COL18A1: variants seen among roughly 807,000 people sequenced by gnomAD.
COL18A1 encodes the protein collagen alpha-1(XVIII) chain.
COL18A1 carries 133 observed loss-of-function variants against 168.0 expected under a neutral mutation model. The observed-to-expected ratio is 0.79, with a 90% CI of 0.69 to 0.91. The LOEUF is 0.91. Ranked by LOEUF, COL18A1 falls within the 40% of genes least tolerant of loss-of-function variation. The pLI is 0.00. For synonymous variants in COL18A1, 949 were observed against 809.0 expected, an observed-to-expected ratio of 1.17 and a Z score of -2.94; for missense variants, 2,126 against 1,925.4, an observed-to-expected ratio of 1.10 and a Z score of -1.95.
At chr21:45,456,779 G>T in intron 2 of COL18A1, 1 of 1,543,000 alleles carries the variant, frequency 6.5e-7, no homozygotes. Flanking sequence ...GGCCCTGCAG[G>T]ATGCGTGTTG....
chr21:45,445,194 G>C (rs2034478618), intron 2 of COL18A1, among the ~76,000 whole-genome samples: 1 of 152,094 alleles, frequency 6.6e-6, no homozygotes, highest in South Asian at 2.1e-4. Context: ...GCTTCCATAC[G>C]AATTAAACCA....
chr21:45,418,593 C>G (rs2033517383), intron 2 of COL18A1, among the ~76,000 whole-genome samples: 1 of 152,058 alleles, frequency 6.6e-6, no homozygotes. Context: ...TTCCCACCTG[C>G]TCTGCACAGC....
At chr21:45,482,242 C>G in intron 14 of COL18A1, 1 of 623,318 alleles carries the variant, frequency 1.6e-6, no homozygotes, top group Middle Eastern at 2.5e-4. Flanking sequence ...AGTGGACTCA[C>G]GGGTTTTAAG....
intron 2 of COL18A1, chr21:45,456,939 G>A: frequency 7.5e-7 from 1 of 1,324,798 alleles, no homozygotes; most frequent in South Asian, 1.7e-5. Context: ...AGGTAAGTGT[G>A]GGCGGGGCTG....
intron 2 of COL18A1, among the ~76,000 whole-genome samples, chr21:45,453,496 G>A (rs748292391): frequency 2.0e-5 from 3 of 152,246 alleles, no homozygotes; most frequent in Non-Finnish European, 4.4e-5. Flanking sequence ...GGTGCTTCCT[G>A]GTGGGAACCA....
intron 2 of COL18A1, among the ~76,000 whole-genome samples, chr21:45,412,233 A>ATTTTTTT (rs1285919162): frequency 1.0e-5 from 1 of 96,122 alleles, no homozygotes; most frequent in African/African-American, 3.8e-5. Context: ...CTGGGGGTAT[A>ATTTTTTT]TTTCTTTTTT....
chr21:45,458,019 CG>C (rs539450797), intron 2 of COL18A1, among the ~76,000 whole-genome samples: 1 of 140,212 alleles, frequency 7.1e-6, no homozygotes, highest in Non-Finnish European at 1.5e-5. Context: ...GGGGAGTGGC[CG>C]GGGGGCCACA....
chr21:45,426,403 C>G (rs940845442), intron 2 of COL18A1, among the ~76,000 whole-genome samples: 33 of 152,306 alleles, frequency 2.2e-4, no homozygotes, highest in African/African-American at 7.2e-4. Context: ...CCGAGCCTGG[C>G]CTGGAGTTAT....
At chr21:45,453,723 C>T (rs1175835634) in intron 2 of COL18A1, among the ~76,000 whole-genome samples, 1 of 152,108 alleles carries the variant, frequency 6.6e-6, no homozygotes, top group African/African-American at 2.4e-5. Flanking sequence ...GAGCTGGGCA[C>T]CCTGCAGATG....
At chr21:45,422,452 A>G (rs1569279338) in intron 2 of COL18A1, 1 of 532,142 alleles carries the variant, frequency 1.9e-6, no homozygotes, top group Non-Finnish European at 3.9e-6. Flanking sequence ...GCTCCAGGAT[A>G]GAGTTGCAGG....
intron 2 of COL18A1, among the ~76,000 whole-genome samples, chr21:45,430,174 G>A (rs868460414): frequency 1.9e-4 from 29 of 152,038 alleles, no homozygotes; most frequent in African/African-American, 6.3e-4. Context: ...TCCATGAAGT[G>A]GGGTCATGGT....
chr21:45,506,411 A>C, intron 37 of COL18A1: 1 of 323,260 alleles, frequency 3.1e-6, no homozygotes, highest in Non-Finnish European at 6.1e-6. Context: ...GTGGGATGAA[A>C]TGCATCCTCT....
chr21:45,430,116 A>AC (rs887303727), intron 2 of COL18A1, among the ~76,000 whole-genome samples: 7 of 130,278 alleles, frequency 5.4e-5, no homozygotes, highest in Non-Finnish European at 9.5e-5. Flanking sequence ...CTCGTTGGGG[A>AC]CCCCCCGTCT....
rs754577294 is a variant in COL18A1, at chr21:45,455,875, G to A, written c.107-12367G>A. The A allele has an allele frequency of 6.2e-7, 1 of 1,613,126 alleles. No homozygotes were observed. The highest frequency in any genetic ancestry group is 1.7e-5 in the Admixed American group (1 of 60,030). On this transcript the variant is annotated intron_variant, in intron 2 of 41. Coordinates refer to ENST00000651438, the MANE Select transcript of COL18A1 (RefSeq NM_001379500.1). The stretch of plus-strand genomic sequence containing the variant: ...TTGCCGGTGTCGGAGCCGAGATCCT[G>A]AACGTGGCCAAAGGCATCCGGAGCT...
intron 2 of COL18A1, among the ~76,000 whole-genome samples, chr21:45,410,389 A>C (rs905594074): frequency 2.0e-5 from 3 of 151,040 alleles, no homozygotes; most frequent in Non-Finnish European, 4.4e-5. Flanking sequence ...GAGTGGGCAC[A>C]CGCTGGTGCT....
rs1295995235 is a variant in COL18A1, at chr21:45,476,362, A to G, written c.810A>G (p.Leu270=). 2 of 1,613,934 alleles carry G rather than the reference A, an allele frequency of 1.2e-6. No individual in the cohort carries two copies. The highest frequency in any genetic ancestry group is 1.7e-6 in the Non-Finnish European group (2 of 1,180,014). ...CTCTCGTCCTCCAGGGCGCGGCCCT[A>G]AAACCCAGGCTCCCCGCGCCACCCC... ...ELLREETGAA[L]KPRLPAPPPV... Residue 270 remains leucine (L), a synonymous_variant, in exon 6 of 42, where the codon CTA becomes CTG. Coordinates refer to ENST00000651438, the MANE Select transcript of COL18A1 (RefSeq NM_001379500.1).
intron 2 of COL18A1, among the ~76,000 whole-genome samples, chr21:45,415,291 G>C (rs2033408565): frequency 6.6e-6 from 1 of 152,162 alleles, no homozygotes. Context: ...AGCACTTCCT[G>C]CACACCCAGG....
Position 45,456,616 on chromosome 21 carries a change from C to T in COL18A1, c.107-11626C>T, listed in dbSNP as rs763605809. The T allele has an allele frequency of 1.2e-4, 187 of 1,539,940 alleles. 1 individual carries two copies. In the Middle Eastern group the frequency reaches 1.7e-3, roughly 14 times the overall value. ...TGCCCAACCACCTCCACCACGAGAG[C>T]GGCGAGCAGGTGCGGGCCGGGGCAC... On this transcript the variant is annotated intron_variant, in intron 2 of 41. Transcript: ENST00000651438.
At chr21:45,459,774 C>G (rs11909692) in intron 2 of COL18A1, among the ~76,000 whole-genome samples, 28,392 of 152,042 alleles carry the variant, frequency 0.19, 2,690 homozygotes, top group Admixed American at 0.21. Context: ...CAAGAGTGAG[C>G]GAGCGGGGCT....
Sources: gnomAD v4.1 joint callset for allele counts (sites outside exome capture counted in the v4.1 genomes callset) on GRCh38, gnomAD v4.1.1 for gene constraint, MANE v1.5 for transcripts, NCBI Gene and HGNC (gene_info 2026-07-23, HGNC 2026-07-21) for gene names.